Variants in PCDH9 observed in about 807,000 individuals in gnomAD.
PCDH9 encodes the protein protocadherin-9.
PCDH9 carries 24 observed loss-of-function variants against 70.6 expected under a neutral mutation model. The observed-to-expected ratio is 0.34, with a 90% CI of 0.25 to 0.48. PCDH9 has a LOEUF of 0.48. Ranked by LOEUF, PCDH9 falls within the 20% of genes least tolerant of loss-of-function variation. PCDH9 has a pLI of 0.99. For missense variants in PCDH9, 1,281 were observed against 1,503.6 expected, an observed-to-expected ratio of 0.85 and a Z score of 2.45; for synonymous variants, 562 against 558.5, an observed-to-expected ratio of 1.01 and a Z score of -0.09.
chr13:66,632,953 T>TTCAAA (rs2077590869), intron 3 of PCDH9, among the ~76,000 whole-genome samples: 1 of 152,154 alleles, frequency 6.6e-6, no homozygotes, highest in Non-Finnish European at 1.5e-5. Context: ...ATTTATAGAT[T>TTCAAA]GTATCCATTT....
At chr13:66,318,089 G>A (rs1955686346) in intron 4 of PCDH9, among the ~76,000 whole-genome samples, 1 of 152,030 alleles carries the variant, frequency 6.6e-6, no homozygotes, top group African/African-American at 2.4e-5. Flanking sequence ...GCCCTCTCAG[G>A]GTGATACATA....
intron 4 of PCDH9, among the ~76,000 whole-genome samples, chr13:66,361,841 T>A (rs1178455503): frequency 4.6e-5 from 7 of 152,190 alleles, no homozygotes; most frequent in Non-Finnish European, 1.0e-4. Context: ...CTGCCTTGAT[T>A]AATGTTTGAG....
chr13:66,796,014 T>A (rs1372973720), intron 3 of PCDH9, among the ~76,000 whole-genome samples: 2 of 152,158 alleles, frequency 1.3e-5, no homozygotes, highest in Non-Finnish European at 2.9e-5. Context: ...TTATAGGCAA[T>A]ATTAGCAAGT....
At chr13:66,549,274 G>C (rs555554178) in intron 4 of PCDH9, among the ~76,000 whole-genome samples, 1 of 152,174 alleles carries the variant, frequency 6.6e-6, no homozygotes, top group East Asian at 1.9e-4. Context: ...TAAGAAGTTG[G>C]AGTTTTGAGG....
At chr13:66,746,104 C>T (rs1280933191) in intron 3 of PCDH9, among the ~76,000 whole-genome samples, 1 of 152,168 alleles carries the variant, frequency 6.6e-6, no homozygotes, top group Non-Finnish European at 1.5e-5. Flanking sequence ...ATTCACTTGG[C>T]ATTACCTGTA....
Position 66,508,011 on chromosome 13 carries a change from G to A in PCDH9, c.3340+123199C>T, listed in dbSNP as rs114609420. ...GCTGGGATTACAGGCGTGAGCCATC[G>A]CACCTGGCCCTACCTTGTATTTTCT... On this transcript the variant is annotated intron_variant, in intron 4 of 4. Transcript: ENST00000377865. Among the ~76,000 whole-genome samples, 353 of 152,172 alleles carry A rather than the reference G, an allele frequency of 2.3e-3. 1 individual carries two copies. The highest frequency in any genetic ancestry group is 7.6e-3 in the African/African-American group (315 of 41,530).
rs117282499 is a variant in PCDH9, at chr13:66,594,342, G to A, written c.3340+36868C>T. Among the ~76,000 whole-genome samples, 158 of 151,704 alleles carry A rather than the reference G, an allele frequency of 1.0e-3. 3 individuals carry two copies. In the East Asian group the frequency reaches 0.026, roughly 25 times the overall value. On this transcript the variant is annotated intron_variant, in intron 4 of 4. Coordinates refer to ENST00000377865, the MANE Select transcript of PCDH9 (RefSeq NM_203487.3). The stretch of plus-strand genomic sequence containing the variant: ...GATGGAAAATTTCTGTGAAAGAAAC[G>A]TGCAACTACCACTCCAATGTCTTAC...
chr13:66,343,289 T>C (rs1956161254), intron 4 of PCDH9, among the ~76,000 whole-genome samples: 1 of 152,200 alleles, frequency 6.6e-6, no homozygotes, highest in Non-Finnish European at 1.5e-5. Flanking sequence ...ACAAGTCTGG[T>C]ACAGAGTGAC....
intron 2 of PCDH9, among the ~76,000 whole-genome samples, chr13:67,171,482 A>C (rs2088283557): frequency 6.6e-6 from 1 of 152,220 alleles, no homozygotes; most frequent in African/African-American, 2.4e-5. Context: ...TATGTGTCAG[A>C]ATTAAAGTTG....
At chr13:67,036,201 T>G (rs932787702) in intron 2 of PCDH9, among the ~76,000 whole-genome samples, 20 of 152,168 alleles carry the variant, frequency 1.3e-4, no homozygotes, top group African/African-American at 4.6e-4. Context: ...AGGAAGAGAT[T>G]TTTTTGTTGG....
intron 3 of PCDH9, among the ~76,000 whole-genome samples, chr13:66,839,700 C>A (rs980974251): frequency 1.3e-5 from 2 of 152,100 alleles, no homozygotes; most frequent in African/African-American, 4.8e-5. Context: ...GTCCTCTGCC[C>A]GAGTTAGCTA....
chr13:66,958,657 T>A (rs1429274934), intron 2 of PCDH9, among the ~76,000 whole-genome samples: 1 of 152,198 alleles, frequency 6.6e-6, no homozygotes, highest in Non-Finnish European at 1.5e-5. Context: ...TGATGTAATT[T>A]TTTTTAAGTT....
At chr13:67,009,777 G>A (rs1037022906) in intron 2 of PCDH9, among the ~76,000 whole-genome samples, 2 of 151,534 alleles carry the variant, frequency 1.3e-5, no homozygotes, top group Non-Finnish European at 2.9e-5. Flanking sequence ...AAAATACTTC[G>A]CATTTAGTTA....
At chr13:66,920,940 T>G (rs2082627887) in intron 2 of PCDH9, among the ~76,000 whole-genome samples, 1 of 151,254 alleles carries the variant, frequency 6.6e-6, no homozygotes, top group South Asian at 2.1e-4. Context: ...GATTACAGAT[T>G]TATCCTCAAA....
Position 66,549,431 on chromosome 13 carries a change from T to C in PCDH9, c.3340+81779A>G, listed in dbSNP as rs139237816. On this transcript the variant is annotated intron_variant, in intron 4 of 4. Coordinates refer to ENST00000377865, the MANE Select transcript of PCDH9 (RefSeq NM_203487.3). ...CACATCATCAGTGTCTTACATGTAC[T>C]GTATTACATTCCATACCCTCATTTA... is the stretch of plus-strand genomic sequence containing the variant. Among the ~76,000 whole-genome samples, 380 of 152,292 alleles carry C rather than the reference T, an allele frequency of 2.5e-3. 3 individuals are homozygous for C. Among genetic ancestry groups the C allele is most frequent in the African/African-American group, 8.8e-3 (364 of 41,584 alleles).
chr13:66,622,010 T>C (rs922997881), intron 4 of PCDH9, among the ~76,000 whole-genome samples: 2 of 152,120 alleles, frequency 1.3e-5, no homozygotes, highest in African/African-American at 4.8e-5. Context: ...GAGTTCCGGG[T>C]GGGCGTGGGC....
intron 3 of PCDH9, among the ~76,000 whole-genome samples, chr13:66,730,897 T>TTTTTTTGTTTTG (rs2079070380): frequency 7.7e-6 from 1 of 129,132 alleles, no homozygotes; most frequent in Non-Finnish European, 1.6e-5. Flanking sequence ...GTTTGTTTCT[T>TTTTTTTGTTTTG]TTTTTTTGTG....
intron 3 of PCDH9, among the ~76,000 whole-genome samples, chr13:66,848,927 C>CAAAA (rs745587776): frequency 1.4e-4 from 7 of 51,294 alleles, no homozygotes; most frequent in African/African-American, 1.6e-4. Context: ...GACTCCGTCT[C>CAAAA]AAAAAAAAAA....
At chr13:67,084,456 C>T (rs551114933) in intron 2 of PCDH9, among the ~76,000 whole-genome samples, 66 of 152,220 alleles carry the variant, frequency 4.3e-4, no homozygotes, top group Middle Eastern at 6.8e-3. Context: ...CTGTAAGTCC[C>T]CGCTTCAAGA....
Sources: gnomAD v4.1 joint callset for allele counts (sites outside exome capture counted in the v4.1 genomes callset) on GRCh38, gnomAD v4.1.1 for gene constraint, MANE v1.5 for transcripts, NCBI Gene and HGNC (gene_info 2026-07-23, HGNC 2026-07-21) for gene names.